Variants in GPBP1 observed in about 807,000 individuals in gnomAD.
GPBP1 encodes vasculin.
A neutral mutation model predicts 56.5 loss-of-function variants in GPBP1; 13 were observed. The ratio of observed to expected loss-of-function variants is 0.23; its 90% confidence interval spans 0.15 to 0.37. The LOEUF (loss-of-function observed/expected upper bound fraction) is 0.37, where lower values mean the gene tolerates loss of function less well. GPBP1 is among the 10% of genes least tolerant of loss of function. The pLI is 1.00. For synonymous variants in GPBP1, 204 were observed against 188.9 expected (o/e 1.08, Z -0.66); for missense variants, 477 against 572.3 (o/e 0.83, Z 1.70).
chr5:57,250,887 A>C (rs544809500), intron 9 of GPBP1, 67 bp from the exon 10 acceptor site: 7 of 1,102,312 alleles, frequency 6.4e-6, no homozygotes, highest in Non-Finnish European at 1.3e-6. Flanking sequence ...GGATCTATTA[A>C]AAGTTTTTAA....
At chr5:57,262,560 G>C in intron 11 of GPBP1, 34 bp from the exon 12 acceptor site, 1 of 1,497,318 alleles carries the variant, frequency 6.7e-7, no homozygotes, top group Non-Finnish European at 9.3e-7. Flanking sequence ...AACTCTTGAG[G>C]GATAATTTAT....
rs761119314 is a variant in GPBP1 at position 57,230,963 on chromosome 5, A to G, written c.181A>G (p.Asn61Asp). The G allele has an allele frequency of 3.1e-6, 5 of 1,599,302 alleles. No individual in the cohort carries two copies. Among genetic ancestry groups the G allele is most frequent in the Admixed American group, 1.8e-5 (1 of 56,628 alleles). Residue 61 changes from asparagine (N) to aspartate (D), a missense_variant, in exon 4 of 12, where the codon AAT becomes GAT. Asn to Asp is a conservative substitution (Grantham distance 23). Coordinates refer to ENST00000506184, the MANE Select transcript of GPBP1 (RefSeq NM_022913.4). ...CTTTGATTCTGCTATTGGGCGTCCT[A>G]ATGGAGGTAAAATTTGCTAAGGAAT... ...DGFDSAIGRP[N>D]GGNFGRKEKN...
intron 3 of GPBP1, among the ~76,000 whole-genome samples, chr5:57,216,868 CTTTT>C (rs11346369): frequency 6.7e-6 from 1 of 148,966 alleles, no homozygotes. Flanking sequence ...ATCTGGAACG[CTTTT>C]TTTTTTTCAT....
At chr5:57,184,413 G>C (rs771241487) in intron 2 of GPBP1, among the ~76,000 whole-genome samples, 1 of 152,012 alleles carries the variant, frequency 6.6e-6, no homozygotes, top group Non-Finnish European at 1.5e-5. Flanking sequence ...CTTCTGGTGA[G>C]GCCTCAGGGA....
rs769496923 is a variant in GPBP1 at position 57,247,218 on chromosome 5, A to G, written c.804+3A>G. The G allele has an allele frequency of 4.4e-6, 7 of 1,606,948 alleles. No homozygotes were observed. The highest frequency in any genetic ancestry group is 5.1e-6 in the Non-Finnish European group (6 of 1,176,584). ...CATCTACAAATTCAGTGAAAGAGGT[A>G]TGACATTAAAAATCACACTTGAGGA... On this transcript the variant is annotated splice_donor_region_variant and intron_variant, in intron 8 of 11. Coordinates refer to ENST00000506184, the MANE Select transcript of GPBP1 (RefSeq NM_022913.4).
intron 6 of GPBP1, among the ~76,000 whole-genome samples, chr5:57,244,199 G>A (rs1205843867): frequency 1.3e-5 from 2 of 152,144 alleles, no homozygotes; most frequent in African/African-American, 4.8e-5. Context: ...GAGGCTCTAT[G>A]TGGTAGATTA....
chr5:57,255,235 C>T (rs1741604914), intron 10 of GPBP1, among the ~76,000 whole-genome samples: 1 of 152,094 alleles, frequency 6.6e-6, no homozygotes, highest in Admixed American at 6.5e-5. Context: ...CTTTCCTCTC[C>T]TCCCCTCTTC....
At chr5:57,221,934 G>A (rs562844578) in intron 3 of GPBP1, among the ~76,000 whole-genome samples, 1 of 152,146 alleles carries the variant, frequency 6.6e-6, no homozygotes, top group Non-Finnish European at 1.5e-5. Context: ...CTGTGGAGAA[G>A]GTTTACTGTG....
chr5:57,229,178 C>G (rs1039593621), intron 3 of GPBP1, among the ~76,000 whole-genome samples: 1 of 134,872 alleles, frequency 7.4e-6, no homozygotes, highest in African/African-American at 2.8e-5. Context: ...TTGCAGTGAG[C>G]CAAGATCGTG....
chr5:57,207,211 G>A (rs1372578281), intron 2 of GPBP1, among the ~76,000 whole-genome samples: 1 of 152,202 alleles, frequency 6.6e-6, no homozygotes, highest in Non-Finnish European at 1.5e-5. Flanking sequence ...GGAAGTGTGA[G>A]TTCTGTAACT....
At chr5:57,249,217 G>A in intron 8 of GPBP1, 192 bp from the exon 9 acceptor site, 1 of 465,758 alleles carries the variant, frequency 2.1e-6, no homozygotes, top group African/African-American at 2.0e-5. Context: ...TTGTTTGTGG[G>A]ATAAGAAAAT....
At chr5:57,230,017 G>A (rs1380976187) in intron 3 of GPBP1, among the ~76,000 whole-genome samples, 3 of 147,460 alleles carry the variant, frequency 2.0e-5, no homozygotes, top group South Asian at 2.2e-4. Flanking sequence ...CAACCTCCCC[G>A]CCTCCCAGGT....
intron 2 of GPBP1, among the ~76,000 whole-genome samples, chr5:57,195,210 C>T (rs1272211098): frequency 1.3e-5 from 2 of 152,060 alleles, no homozygotes; most frequent in African/African-American, 4.8e-5. Flanking sequence ...GGCTAGAGTG[C>T]AGTGGCATGA....
intron 5 of GPBP1, among the ~76,000 whole-genome samples, chr5:57,234,477 C>A (rs1326676398): frequency 6.6e-6 from 1 of 152,168 alleles, no homozygotes; most frequent in Non-Finnish European, 1.5e-5. Flanking sequence ...GTGGCTCATG[C>A]CTGTTTTCCC....
intron 10 of GPBP1, 23 bp from the exon 11 acceptor site, chr5:57,261,157 A>C: frequency 6.8e-7 from 1 of 1,465,548 alleles, no homozygotes; most frequent in Non-Finnish European, 9.6e-7. Context: ...TTTACATTAA[A>C]CTTAATTTCC....
In GPBP1 at chr5:57,246,417, T is replaced by C; in HGVS notation, c.596T>C (p.Val199Ala). Reference sequence around the variant, plus strand: ...GTAGGAAATCTTCCGTCACAGCCAGTTAAGAATGGAACTGGTCCAAGTGTT... The same window carrying C: ...GTAGGAAATCTTCCGTCACAGCCAGCTAAGAATGGAACTGGTCCAAGTGTT... ...PVVGNLPSQP[V>A]KNGTGPSVYK... The change falls in exon 7 of 12, where the codon GTT becomes GCT. Residue 199 changes from valine (V) to alanine (A), a missense_variant. By Grantham distance (64) the Val-to-Ala change is moderately conservative (BLOSUM62 0). Coordinates refer to ENST00000506184, the MANE Select transcript of GPBP1 (RefSeq NM_022913.4). 1 of 1,613,984 alleles carries C rather than the reference T, an allele frequency of 6.2e-7. No homozygotes were observed. The highest frequency in any genetic ancestry group is 8.5e-7 in the Non-Finnish European group (1 of 1,179,888).
intron 2 of GPBP1, among the ~76,000 whole-genome samples, chr5:57,191,038 A>G (rs983461843): frequency 6.6e-6 from 1 of 151,606 alleles, no homozygotes; most frequent in Non-Finnish European, 1.5e-5. Context: ...GGCCTCCCCA[A>G]GTGCTGGGGT....
In GPBP1 at chr5:57,242,721, C is replaced by T. The variant is rs147147702; in HGVS notation, c.479-3579C>T. 3.1e-3 allele frequency among the ~76,000 whole-genome samples: 477 copies of T among 152,242 alleles called. 4 individuals carry two copies. Among genetic ancestry groups the T allele is most frequent in the African/African-American group, 0.011 (455 of 41,530 alleles). ...TTGGCCTCCGAAAGTGCTGGAATTACAGGTTTGAGCCACCATGCCTGGCCT... is the reference window on the plus strand; with the variant it reads ...TTGGCCTCCGAAAGTGCTGGAATTATAGGTTTGAGCCACCATGCCTGGCCT... On this transcript the variant is annotated intron_variant, in intron 6 of 11. Coordinates refer to ENST00000506184, the MANE Select transcript of GPBP1 (RefSeq NM_022913.4).
intron 8 of GPBP1, among the ~76,000 whole-genome samples, chr5:57,248,362 C>G (rs1044437558): frequency 1.3e-4 from 20 of 150,914 alleles, no homozygotes; most frequent in Admixed American, 1.3e-3. Flanking sequence ...ACCCATAGCA[C>G]TTATATTATT....
Sources: allele counts gnomAD v4.1 joint callset (sites outside exome capture counted in the v4.1 genomes callset), GRCh38; gene constraint gnomAD v4.1.1; transcripts MANE v1.5; gene names NCBI Gene and HGNC (gene_info 2026-07-23, HGNC 2026-07-21).